Variants in SNTG1 observed in about 807,000 individuals in gnomAD.
SNTG1 encodes the protein gamma-1-syntrophin.
SNTG1 carries 39 observed loss-of-function variants against 74.7 expected under a neutral mutation model. That is an observed-to-expected ratio of 0.52 (90% CI 0.40 to 0.68). The LOEUF (loss-of-function observed/expected upper bound fraction) is 0.68, where lower values mean the gene tolerates loss of function less well. SNTG1 is among the 30% of genes least tolerant of loss of function. The pLI, the probability that SNTG1 is intolerant of heterozygous loss-of-function variation, is 0.00. For synonymous variants in SNTG1, 254 were observed against 217.1 expected, an observed-to-expected ratio of 1.17 and a Z score of -1.49; for missense variants, 685 against 609.5, an observed-to-expected ratio of 1.12 and a Z score of -1.30.
chr8:50,482,899 T>C (rs2093753073), intron 8 of SNTG1, among the ~76,000 whole-genome samples: 1 of 152,164 alleles, frequency 6.6e-6, no homozygotes, highest in South Asian at 2.1e-4. Context: ...GCTCAGAGCA[T>C]GAACACATGA....
At chr8:50,596,469 C>T (rs867192427) in intron 13 of SNTG1, among the ~76,000 whole-genome samples, 10 of 151,624 alleles carry the variant, frequency 6.6e-5, no homozygotes, top group Admixed American at 1.3e-4. Context: ...ACACTTGTTT[C>T]AAAAGTGAGG....
chr8:50,108,424 A>G (rs1276732773), intron 1 of SNTG1, among the ~76,000 whole-genome samples: 1 of 152,186 alleles, frequency 6.6e-6, no homozygotes, highest in Admixed American at 6.6e-5. Context: ...CAATAATTTC[A>G]CATGGAACTG....
chr8:50,194,483 C>A (rs939678934), intron 2 of SNTG1, among the ~76,000 whole-genome samples: 5 of 152,058 alleles, frequency 3.3e-5, no homozygotes, highest in Admixed American at 3.3e-4. Context: ...CTTGAATGAT[C>A]TTTTGCATTC....
At chr8:50,637,206 T>A (rs577311994) in intron 13 of SNTG1, among the ~76,000 whole-genome samples, 1 of 152,282 alleles carries the variant, frequency 6.6e-6, no homozygotes, top group South Asian at 2.1e-4. Context: ...TATCTCTAAA[T>A]CTTAGTATTT....
chr8:50,599,993 G>A (rs148360009), intron 13 of SNTG1, among the ~76,000 whole-genome samples: 13 of 151,934 alleles, frequency 8.6e-5, no homozygotes, highest in African/African-American at 2.2e-4. Flanking sequence ...TTGTATTCCC[G>A]GTATTTTTTA....
rs1043815137 is a variant in SNTG1, at chr8:50,164,100, T to C, written c.-102-8461T>C. On this transcript the variant is annotated intron_variant, in intron 1 of 18. Coordinates refer to ENST00000642720, the MANE Select transcript of SNTG1 (RefSeq NM_018967.5). ...ATAGAAAGACACAATTTCTTTTTTT[T>C]TTTTTTTTTTTTTTTTTGCTATCTA... 119 of 138,464 alleles carry C rather than the reference T, an allele frequency of 8.6e-4. 1 individual carries two copies. The highest frequency in any genetic ancestry group is 3.1e-3 in the African/African-American group (108 of 34,712). 8.6% of individuals were successfully genotyped at this position (138,464 alleles called of 1,614,324 possible).
rs78752279 is a variant in SNTG1 at position 50,028,203 on chromosome 8, A to G, written c.-103+115972A>G. Reference sequence around the variant, plus strand: ...CATTCCAAGAATGTTGTATGAATGGAATCATACAGAATGTGACTTTTGAGG... The same window carrying G: ...CATTCCAAGAATGTTGTATGAATGGGATCATACAGAATGTGACTTTTGAGG... On this transcript the variant is annotated intron_variant, in intron 1 of 18. Transcript: ENST00000642720. Among the ~76,000 whole-genome samples, 1,105 of 152,308 alleles carry G rather than the reference A, an allele frequency of 7.3e-3. 8 individuals are homozygous for G. The highest frequency in any genetic ancestry group is 0.016 in the South Asian group (76 of 4,830).
At chr8:50,150,411 C>T (rs989844369) in intron 1 of SNTG1, among the ~76,000 whole-genome samples, 4 of 152,118 alleles carry the variant, frequency 2.6e-5, no homozygotes, top group Non-Finnish European at 5.9e-5. Flanking sequence ...ATTGCCCTGG[C>T]CAGAACTTCC....
intron 4 of SNTG1, among the ~76,000 whole-genome samples, chr8:50,432,269 CTT>C (rs1563378383): frequency 6.6e-6 from 1 of 151,910 alleles, no homozygotes; most frequent in Non-Finnish European, 1.5e-5. Flanking sequence ...AAAAAAATAT[CTT>C]TGCTTTTCTC....
intron 15 of SNTG1, among the ~76,000 whole-genome samples, chr8:50,660,576 CTCTA>C (rs1251704191): frequency 6.6e-6 from 1 of 151,976 alleles, no homozygotes; most frequent in Non-Finnish European, 1.5e-5. Flanking sequence ...TTTGTCTATT[CTCTA>C]TCTGTACACT....
intron 1 of SNTG1, among the ~76,000 whole-genome samples, chr8:50,042,674 A>G (rs990819755): frequency 6.6e-6 from 1 of 152,018 alleles, no homozygotes; most frequent in Non-Finnish European, 1.5e-5. Context: ...CTCCTAGCCC[A>G]GCCTCTCAAG....
intron 5 of SNTG1, among the ~76,000 whole-genome samples, chr8:50,447,920 T>C (rs1449432480): frequency 6.6e-6 from 1 of 152,214 alleles, no homozygotes; most frequent in Non-Finnish European, 1.5e-5. Context: ...GTGAGTTTCC[T>C]CATAAATCTT....
chr8:50,410,487 AAAGAATATATATATTC>A (rs1278082164), intron 4 of SNTG1, among the ~76,000 whole-genome samples: 1 of 152,234 alleles, frequency 6.6e-6, no homozygotes, highest in Non-Finnish European at 1.5e-5. Context: ...TTGAATTTAC[AAAGAATATATATATTC>A]AAGGTGTATA....
rs1802818024 is a variant in SNTG1 at position 50,796,502 on chromosome 8, A to T, written c.*3673A>T. ...ATACATGTTAAAATGCAGTGAAAAG[A>T]CAAGAAATATAAAATGTAAATATAT... On this transcript the variant is annotated 3_prime_UTR_variant, in exon 19 of 19. Transcript: ENST00000642720. The T allele has an allele frequency of 6.6e-6, 1 of 151,928 alleles. No individual in the cohort carries two copies. Among genetic ancestry groups the T allele is most frequent in the South Asian group, 2.1e-4 (1 of 4,830 alleles). 9.4% of individuals were successfully genotyped at this position (151,928 alleles called of 1,614,324 possible).
intron 1 of SNTG1, among the ~76,000 whole-genome samples, chr8:50,011,580 A>G (rs1354116690): frequency 6.6e-6 from 1 of 152,056 alleles, no homozygotes; most frequent in Non-Finnish European, 1.5e-5. Context: ...GCCAAATTCT[A>G]ATAATTTTTA....
intron 4 of SNTG1, among the ~76,000 whole-genome samples, chr8:50,404,697 G>A: frequency 6.6e-6 from 1 of 151,670 alleles, no homozygotes; most frequent in South Asian, 2.1e-4. Context: ...TAAGTATAAA[G>A]TTCAGTAGCA....
intron 2 of SNTG1, among the ~76,000 whole-genome samples, chr8:50,180,072 T>C (rs34771561): frequency 0.28 from 41,952 of 152,128 alleles, 5,888 homozygotes; most frequent in Middle Eastern, 0.41. Context: ...AATTATGGTA[T>C]ATGTACATAA....
chr8:50,673,184 T>C (rs939126957), intron 15 of SNTG1, among the ~76,000 whole-genome samples: 2 of 152,148 alleles, frequency 1.3e-5, no homozygotes, highest in African/African-American at 4.8e-5. Context: ...TCACATGAAA[T>C]TTGAAGTAGT....
chr8:50,187,087 A>C (rs1437808500), intron 2 of SNTG1, among the ~76,000 whole-genome samples: 1 of 152,102 alleles, frequency 6.6e-6, no homozygotes, highest in Non-Finnish European at 1.5e-5. Flanking sequence ...GTCCAGTTTC[A>C]GCCCAAAGTA....
Sources: allele counts gnomAD v4.1 joint callset (sites outside exome capture counted in the v4.1 genomes callset), GRCh38; gene constraint gnomAD v4.1.1; transcripts MANE v1.5; gene names NCBI Gene and HGNC (gene_info 2026-07-23, HGNC 2026-07-21).